Variants in PVT1 observed in about 807,000 individuals in gnomAD.
PVT1 encodes CXCR4/PVT1 fusion.
At chr8:127,950,418 C>A (rs1331489271) in intron 3 of PVT1, among the ~76,000 whole-genome samples, 1 of 152,208 alleles carries the variant, frequency 6.6e-6, no homozygotes, top group Non-Finnish European at 1.5e-5. Context: ...GGAGATGCGG[C>A]CAGTTTCCCA....
intron 2 of PVT1, among the ~76,000 whole-genome samples, chr8:127,798,228 C>T (rs1040725457): frequency 6.6e-6 from 1 of 151,482 alleles, no homozygotes; most frequent in Non-Finnish European, 1.5e-5. Context: ...TGCTTGAACC[C>T]GGGAGGCGGA....
chr8:127,883,333 G>C (rs371374080), intron 2 of PVT1, among the ~76,000 whole-genome samples: 2 of 152,184 alleles, frequency 1.3e-5, no homozygotes, highest in Non-Finnish European at 2.9e-5. Context: ...CCTATATTGA[G>C]GGGGAGTGGA....
chr8:127,808,913 C>T (rs575293617), intron 2 of PVT1, among the ~76,000 whole-genome samples: 60 of 150,694 alleles, frequency 4.0e-4, no homozygotes, highest in Middle Eastern at 3.4e-3. Context: ...GCCTGTAATC[C>T]GAGCTACTTG....
chr8:128,005,085 A>T (rs991589953), intron 4 of PVT1, among the ~76,000 whole-genome samples: 2 of 152,032 alleles, frequency 1.3e-5, no homozygotes, highest in Non-Finnish European at 2.9e-5. Flanking sequence ...GGTTGCAGTG[A>T]GCGGAGATCA....
At chr8:127,860,937 G>C (rs1275564376) in intron 2 of PVT1, among the ~76,000 whole-genome samples, 1 of 152,060 alleles carries the variant, frequency 6.6e-6, no homozygotes, top group Non-Finnish European at 1.5e-5. Flanking sequence ...GCACAGAATG[G>C]TGGCTTATGA....
intron 4 of PVT1, among the ~76,000 whole-genome samples, chr8:128,029,503 TAAAA>T (rs1813363033): frequency 6.6e-6 from 1 of 151,990 alleles, no homozygotes; most frequent in Non-Finnish European, 1.5e-5. Flanking sequence ...AAAGAAAACT[TAAAA>T]AATACTTGTT....
At chr8:128,062,394 AAATGC>A (rs1358067593) in intron 4 of PVT1, among the ~76,000 whole-genome samples, 1 of 152,178 alleles carries the variant, frequency 6.6e-6, no homozygotes, top group East Asian at 1.9e-4. Context: ...AACCCTTCCT[AAATGC>A]ACCTGTTCAG....
At chr8:127,849,522 A>G (rs890723380) in intron 2 of PVT1, among the ~76,000 whole-genome samples, 8 of 152,240 alleles carry the variant, frequency 5.3e-5, no homozygotes, top group African/African-American at 1.9e-4. Context: ...AGTGGTAGCT[A>G]TCATTCACAC....
intron 3 of PVT1, among the ~76,000 whole-genome samples, chr8:127,943,017 T>C (rs1190991411): frequency 6.6e-6 from 1 of 152,234 alleles, no homozygotes; most frequent in Non-Finnish European, 1.5e-5. Flanking sequence ...CCAGGTCTCC[T>C]TTTGTTCTGT....
At chr8:128,024,659 A>T (rs908115792) in intron 4 of PVT1, among the ~76,000 whole-genome samples, 1 of 152,052 alleles carries the variant, frequency 6.6e-6, no homozygotes, top group Non-Finnish European at 1.5e-5. Flanking sequence ...AGACATTATC[A>T]GTTTCTAGGC....
chr8:128,002,407 A>C (rs1250475292), intron 4 of PVT1, among the ~76,000 whole-genome samples: 3 of 152,218 alleles, frequency 2.0e-5, no homozygotes, highest in South Asian at 2.1e-4. Context: ...GGTGTGTATT[A>C]GTTTCCTAGA....
intron 5 of PVT1, among the ~76,000 whole-genome samples, chr8:128,090,890 C>A (rs1006904199): frequency 1.3e-5 from 2 of 152,050 alleles, no homozygotes; most frequent in African/African-American, 2.4e-5. Context: ...GACCTTCCTG[C>A]GGCATGGAGG....
chr8:128,044,017 T>A (rs780071593), intron 4 of PVT1, among the ~76,000 whole-genome samples: 6,669 of 62,408 alleles, frequency 0.11, 220 homozygotes, highest in Admixed American at 0.21. Context: ...ATTTATTTAT[T>A]TTTTTTTTTT....
chr8:127,970,895 A>G (rs1458597634), intron 3 of PVT1, among the ~76,000 whole-genome samples: 1 of 152,238 alleles, frequency 6.6e-6, no homozygotes, highest in Non-Finnish European at 1.5e-5. Context: ...CATGGCTGTT[A>G]CATGTCCCAT....
intron 4 of PVT1, among the ~76,000 whole-genome samples, chr8:128,054,162 T>C (rs1198018330): frequency 6.6e-6 from 1 of 152,150 alleles, no homozygotes; most frequent in Non-Finnish European, 1.5e-5. Flanking sequence ...TCCTATTGGT[T>C]CTCCCAACAA....
chr8:127,847,273 A>G (rs560646480), intron 2 of PVT1, among the ~76,000 whole-genome samples: 21 of 152,282 alleles, frequency 1.4e-4, no homozygotes, highest in African/African-American at 4.8e-4. Flanking sequence ...CAATCCTAAA[A>G]AAGGAAATAC....
At chr8:128,097,552 T>C (rs1343172625) in intron 6 of PVT1, among the ~76,000 whole-genome samples, 1 of 152,090 alleles carries the variant, frequency 6.6e-6, no homozygotes, top group Non-Finnish European at 1.5e-5. Context: ...ACAGAAAAAG[T>C]GTGCCAGTCG....
chr8:127,844,692 GT>G (rs1280952015), intron 2 of PVT1, among the ~76,000 whole-genome samples: 37 of 146,906 alleles, frequency 2.5e-4, no homozygotes, highest in African/African-American at 5.6e-4. Context: ...ATGGAGGTGT[GT>G]TTTTTTTTTG....
At chr8:127,946,432 C>A (rs1274761570) in intron 3 of PVT1, 4 of 152,172 alleles carry the variant, frequency 2.6e-5, no homozygotes, top group African/African-American at 9.7e-5. Context: ...GCTGGTTATT[C>A]ATGATAGCGA....
Sources: gnomAD v4.1 joint callset for allele counts (sites outside exome capture counted in the v4.1 genomes callset) on GRCh38, gnomAD v4.1.1 for gene constraint, MANE v1.5 for transcripts, NCBI Gene and HGNC (gene_info 2026-07-23, HGNC 2026-07-21) for gene names.